The following ASB15 variants were observed in gnomAD, a reference collection of about 807,000 sequenced individuals.
ASB15 encodes the protein ankyrin repeat and SOCS box containing 15.
In ASB15, 54 loss-of-function variants were observed where a neutral mutation model predicts 58.0. The ratio of observed to expected loss-of-function variants is 0.93; its 90% CI spans 0.75 to 1.17. The LOEUF (loss-of-function observed/expected upper bound fraction) is 1.17. ASB15 is among the 50% of genes most tolerant of loss of function. ASB15 has a pLI of 0.00. For synonymous variants in ASB15, 249 were observed against 262.4 expected, an observed-to-expected ratio of 0.95 and a Z score of 0.50; for missense variants, 680 against 707.4, an observed-to-expected ratio of 0.96 and a Z score of 0.44.
chr7:123,597,952 G>GTT (rs546164244), upstream of ASB15, among the ~76,000 whole-genome samples: 5 of 151,690 alleles, frequency 3.3e-5, no homozygotes, highest in African/African-American at 4.8e-5. Flanking sequence ...GTGTGTGTGT[G>GTT]TGTGTGTGTC....
intron 8 of ASB15, among the ~76,000 whole-genome samples, chr7:123,625,854 C>A (rs1801736117): frequency 6.6e-6 from 1 of 152,164 alleles, no homozygotes; most frequent in African/African-American, 2.4e-5. Context: ...AGGAAAAAGA[C>A]TAACATTTTT....
intron 7 of ASB15, 115 bp from the exon 8 acceptor site, chr7:123,624,454 G>GA: frequency 2.0e-6 from 2 of 990,130 alleles, no homozygotes; most frequent in Non-Finnish European, 3.0e-6. Context: ...TTTCCTTGTA[G>GA]AAAAAAAGTT....
In ASB15 at chr7:123,637,020, A is replaced by G. The variant is rs1802465519; in HGVS notation, c.*39A>G. 2 of 1,352,316 alleles carry G rather than the reference A, an allele frequency of 1.5e-6. No homozygotes were observed. The highest frequency in any genetic ancestry group is 4.7e-5 in the East Asian group (2 of 42,444). 83.8% of individuals were successfully genotyped at this position (1,352,316 alleles called of 1,614,324 possible). ...AATGTGATTTAAAAAAAATGTTGAAATGTGATTCCCTCAGATAATTTCTTG... is the reference window on the plus strand; with the variant it reads ...AATGTGATTTAAAAAAAATGTTGAAGTGTGATTCCCTCAGATAATTTCTTG... On this transcript the variant is annotated 3_prime_UTR_variant, in exon 12 of 12. Coordinates refer to ENST00000451215, the MANE Select transcript of ASB15 (RefSeq NM_001290258.2).
At chr7:123,616,146 A>T in intron 4 of ASB15, 75 bp from the exon 5 acceptor site, 1 of 1,225,922 alleles carries the variant, frequency 8.2e-7, no homozygotes, top group Non-Finnish European at 1.2e-6. Context: ...AAAATGCAAT[A>T]TAAATTAAAA....
At chr7:123,611,653 T>C (rs1268854268) in intron 3 of ASB15, among the ~76,000 whole-genome samples, 1 of 152,194 alleles carries the variant, frequency 6.6e-6, no homozygotes, top group Non-Finnish European at 1.5e-5. Flanking sequence ...TGGTCTTAGA[T>C]AAAGAAGTTA....
chr7:123,593,844 A>T (rs1227287998), intron 1 of ASB15, among the ~76,000 whole-genome samples: 3 of 152,148 alleles, frequency 2.0e-5, no homozygotes, highest in African/African-American at 7.2e-5. Flanking sequence ...AGGTTGGGGA[A>T]GTTCTCCTGG....
chr7:123,598,861 A>AGGGG (rs1562918295), upstream of ASB15: 1 of 152,220 alleles, frequency 6.6e-6, no homozygotes, highest in African/African-American at 2.4e-5. Context: ...GGATTCTTCC[A>AGGGG]GGGGCCTGTG....
chr7:123,636,299 T>TTAG (rs1229826523), intron 11 of ASB15, among the ~76,000 whole-genome samples: 2 of 152,198 alleles, frequency 1.3e-5, no homozygotes, highest in African/African-American at 4.8e-5. Context: ...TTAAATAATG[T>TTAG]TAGTATATTT....
chr7:123,598,005 T>A (rs1799754292), upstream of ASB15, among the ~76,000 whole-genome samples: 1 of 151,226 alleles, frequency 6.6e-6, no homozygotes, highest in Non-Finnish European at 1.5e-5. Flanking sequence ...TTAGGTCTCA[T>A]CTCTCTACTT....
At chr7:123,614,454 G>A in intron 3 of ASB15, 47 bp from the exon 4 acceptor site, 1 of 1,195,356 alleles carries the variant, frequency 8.4e-7, no homozygotes. Flanking sequence ...ACTGTTTTGG[G>A]CCATTTCTTG....
intron 6 of ASB15, among the ~76,000 whole-genome samples, chr7:123,617,310 T>A (rs1232765399): frequency 2.0e-5 from 3 of 152,214 alleles, no homozygotes; most frequent in African/African-American, 7.2e-5. Flanking sequence ...CATTGTTTTG[T>A]AATGTATCAA....
At chr7:123,612,754 T>C (rs1800540386) in intron 3 of ASB15, among the ~76,000 whole-genome samples, 1 of 152,198 alleles carries the variant, frequency 6.6e-6, no homozygotes, top group South Asian at 2.1e-4. Context: ...AGAGCCCGAA[T>C]TATATTTCAA....
intron 7 of ASB15, among the ~76,000 whole-genome samples, chr7:123,623,952 AAAGAAAG>A (rs1801566956): frequency 1.9e-5 from 2 of 107,620 alleles, no homozygotes; most frequent in South Asian, 5.8e-4. Context: ...AGAAAGAAAG[AAAGAAAG>A]AAAGAAAGAA....
At position 123,617,754 on chromosome 7, in the gene ASB15, T is replaced by C; in HGVS notation, c.451+17T>C. 2 of 1,587,578 alleles carry C rather than the reference T, an allele frequency of 1.3e-6. No individual in the cohort carries two copies. Among genetic ancestry groups the C allele is most frequent in the South Asian group, 1.1e-5 (1 of 89,128 alleles). Reference sequence around the variant, plus strand: ...TTCTGATTGGTAAATGACCTTTTTTTCTAGAACTTTTATAGTTTGAAACAA... The same window carrying C: ...TTCTGATTGGTAAATGACCTTTTTTCCTAGAACTTTTATAGTTTGAAACAA... On this transcript the variant is annotated intron_variant, in intron 7 of 11. Coordinates refer to ENST00000451215, the MANE Select transcript of ASB15 (RefSeq NM_001290258.2).
chr7:123,572,397 C>T (rs1015470147), intron 1 of ASB15, among the ~76,000 whole-genome samples: 1 of 151,744 alleles, frequency 6.6e-6, no homozygotes. Flanking sequence ...CCTCAGCCTC[C>T]GAAAGTACTG....
chr7:123,589,261 A>T (rs1275950808), intron 1 of ASB15, among the ~76,000 whole-genome samples: 1 of 151,164 alleles, frequency 6.6e-6, no homozygotes, highest in Non-Finnish European at 1.5e-5. Context: ...TTCTCTTGAT[A>T]AATTTAACCA....
At chr7:123,576,464 T>C (rs1323444551) in intron 1 of ASB15, among the ~76,000 whole-genome samples, 1 of 152,154 alleles carries the variant, frequency 6.6e-6, no homozygotes, top group South Asian at 2.1e-4. Context: ...ATATTTTTCA[T>C]AGTGTCTTTA....
chr7:123,627,347 A>G (rs1801863583), intron 9 of ASB15, 66 bp downstream of exon 9: 2 of 1,366,302 alleles, frequency 1.5e-6, no homozygotes, highest in Non-Finnish European at 1.0e-6. Flanking sequence ...CAGTATAATC[A>G]CAAGTCTATA....
At chr7:123,629,944 T>A in intron 10 of ASB15, 22 bp from the exon 11 acceptor site, 1 of 1,522,788 alleles carries the variant, frequency 6.6e-7, no homozygotes, top group East Asian at 2.3e-5. Flanking sequence ...ACTACTAAAT[T>A]AAATTTTATC....
Sources: allele counts gnomAD v4.1 joint callset (sites outside exome capture counted in the v4.1 genomes callset), GRCh38; gene constraint gnomAD v4.1.1; transcripts MANE v1.5; gene names NCBI Gene and HGNC (gene_info 2026-07-23, HGNC 2026-07-21).